Variants in DNAJB6 observed in about 807,000 individuals in gnomAD.
DNAJB6 encodes DnaJ heat shock protein family (Hsp40) member B6, also known as dnaJ homolog subfamily B member 6.
Under a neutral mutation model 42.7 loss-of-function variants are expected in DNAJB6, and 16 were observed. That is an observed-to-expected ratio of 0.37 (90% CI 0.25 to 0.57). The LOEUF (loss-of-function observed/expected upper bound fraction) is 0.57. Among genes scored for constraint, DNAJB6 ranks in the 20% least tolerant of loss-of-function variants. DNAJB6 has a pLI of 0.74. For missense variants in DNAJB6, 347 were observed against 416.8 expected, an observed-to-expected ratio of 0.83 and a Z score of 1.46; for synonymous variants, 170 against 163.5, an observed-to-expected ratio of 1.04 and a Z score of -0.30.
chr7:157,337,911 T>C (rs1422345009), intron 1 of DNAJB6: 1 of 115,954 alleles, frequency 8.6e-6, no homozygotes, highest in African/African-American at 4.0e-5. Context: ...TAGTCAGACG[T>C]AAACTTCTGT....
chr7:157,368,464 G>A (rs895273492), intron 5 of DNAJB6: 4 of 152,312 alleles, frequency 2.6e-5, no homozygotes, highest in East Asian at 1.9e-4. Flanking sequence ...CACCTCTAGA[G>A]CAAGACTGCG....
chr7:157,377,228 A>G (rs1343701577), intron 5 of DNAJB6, among the ~76,000 whole-genome samples: 1 of 152,176 alleles, frequency 6.6e-6, no homozygotes, highest in Non-Finnish European at 1.5e-5. Context: ...CTGTTCACAG[A>G]TGCACATTTC....
At chr7:157,380,549 A>T (rs999924731) in intron 5 of DNAJB6, 3 of 152,224 alleles carry the variant, frequency 2.0e-5, no homozygotes, top group Non-Finnish European at 4.4e-5. Flanking sequence ...TAACCGTTTG[A>T]GTAACTTCTT....
rs80135319 is a variant in DNAJB6 at position 157,390,829 on chromosome 7, A to G, written c.691+5218A>G. 3.6e-3 allele frequency among the ~76,000 whole-genome samples: 549 copies of G among 152,022 alleles called. 2 individuals carry two copies. Among genetic ancestry groups the G allele is most frequent in the African/African-American group, 0.012 (513 of 41,468 alleles). On this transcript the variant is annotated intron_variant, in intron 8 of 9. Transcript: ENST00000262177. Reference sequence around the variant, plus strand: ...AGCATGCATTCATTCATTCCTTTATATTATTTTATATTTTACTTAACTTTT... The same window carrying G: ...AGCATGCATTCATTCATTCCTTTATGTTATTTTATATTTTACTTAACTTTT...
At chr7:157,341,021 CTG>C in intron 1 of DNAJB6, among the ~76,000 whole-genome samples, 1 of 141,784 alleles carries the variant, frequency 7.1e-6, no homozygotes, top group East Asian at 2.2e-4. Flanking sequence ...TGGAATCACC[CTG>C]TGTGCCCAGG....
chr7:157,367,381 C>A lies in DNAJB6; in HGVS notation c.244C>A (p.His82Asn). 2 of 1,607,332 alleles carry A rather than the reference C, an allele frequency of 1.2e-6. No individual in the cohort carries two copies. The highest frequency in any genetic ancestry group is 1.7e-6 in the Non-Finnish European group (2 of 1,173,848). The change falls in exon 5 of 10, where the codon CAT becomes AAT. Residue 82 changes from histidine to asparagine, a missense_variant. Around this residue, in one of 3 missense-constraint regions of DNAJB6, gnomAD observed 78 missense variants for 102.1 expected, o/e 0.76. Transcript: ENST00000262177. Reference sequence around the variant, plus strand: ...GTGTTGTATTTGTGCAGGTGGAAGTCATTTTGACAGTCCATTTGAATTTGG... The same window carrying A: ...GTGTTGTATTTGTGCAGGTGGAAGTAATTTTGACAGTCCATTTGAATTTGG... ...GLNGGGGGGSHFDSPFEFGFT... is the reference protein window; with the variant it reads ...GLNGGGGGGSNFDSPFEFGFT...
chr7:157,367,517 TCCATGA>T (rs780647170), intron 5 of DNAJB6, 34 bp downstream of exon 5: 1 of 1,282,628 alleles, frequency 7.8e-7, no homozygotes, highest in South Asian at 1.2e-5. Flanking sequence ...TTGGTGTGTG[TCCATGA>T]CCCAAATGAG....
At chr7:157,398,615 G>C (rs1349959700) in intron 8 of DNAJB6, among the ~76,000 whole-genome samples, 1 of 152,146 alleles carries the variant, frequency 6.6e-6, no homozygotes, top group African/African-American at 2.4e-5. Flanking sequence ...TGTGTTTTTG[G>C]CTTGAGGGGG....
intron 8 of DNAJB6, among the ~76,000 whole-genome samples, chr7:157,406,313 ATCT>A (rs1337180532): frequency 1.3e-5 from 2 of 152,190 alleles, no homozygotes; most frequent in African/African-American, 2.4e-5. Flanking sequence ...CTCCACCTTC[ATCT>A]TCTTTCCTCA....
At chr7:157,386,588 G>A (rs1209870524) in intron 8 of DNAJB6, among the ~76,000 whole-genome samples, 1 of 149,368 alleles carries the variant, frequency 6.7e-6, no homozygotes, top group Non-Finnish European at 1.5e-5. Flanking sequence ...TTTGATGTAA[G>A]ATCACTTACG....
At chr7:157,408,841 C>T (rs1386002101) in intron 8 of DNAJB6, among the ~76,000 whole-genome samples, 2 of 152,262 alleles carry the variant, frequency 1.3e-5, no homozygotes, top group African/African-American at 2.4e-5. Context: ...CCGCCCCTGG[C>T]GTAAACTCTC....
intron 5 of DNAJB6, chr7:157,378,405 G>T (rs1800579328): frequency 6.6e-6 from 1 of 152,234 alleles, no homozygotes; most frequent in Admixed American, 6.5e-5. Context: ...GGAGGAGGAG[G>T]TCTTGCCCCT....
chr7:157,397,805 A>G (rs930930647), intron 8 of DNAJB6, among the ~76,000 whole-genome samples: 6 of 152,100 alleles, frequency 3.9e-5, no homozygotes, highest in Admixed American at 3.3e-4. Context: ...TTCAGCTTCT[A>G]TGTCACGAGC....
At chr7:157,375,916 T>G (rs1467246154) in intron 5 of DNAJB6, among the ~76,000 whole-genome samples, 2 of 152,220 alleles carry the variant, frequency 1.3e-5, no homozygotes, top group East Asian at 3.8e-4. Flanking sequence ...GCCATGGTGC[T>G]TTTTCAGTTT....
At chr7:157,384,203 C>T (rs975071306) in intron 6 of DNAJB6, among the ~76,000 whole-genome samples, 1 of 152,292 alleles carries the variant, frequency 6.6e-6, no homozygotes, top group Admixed American at 6.5e-5. Flanking sequence ...CGATAATATC[C>T]ATAATGTATA....
chr7:157,410,113 G>A (rs1795921837), intron 9 of DNAJB6, 112 bp downstream of exon 9: 2 of 1,419,416 alleles, frequency 1.4e-6, no homozygotes, highest in Admixed American at 2.9e-5. Context: ...ACCTGAGCGG[G>A]CGTGGGCGGT....
intron 1 of DNAJB6, among the ~76,000 whole-genome samples, chr7:157,353,378 TGTAACTGTG>T (rs955626316): frequency 3.3e-5 from 5 of 152,206 alleles, no homozygotes; most frequent in South Asian, 2.1e-4. Context: ...TTAATCTTTC[TGTAACTGTG>T]GTAACTGTGG....
intron 8 of DNAJB6, among the ~76,000 whole-genome samples, chr7:157,408,944 TAG>T (rs1795869384): frequency 6.6e-6 from 1 of 152,232 alleles, no homozygotes; most frequent in Admixed American, 6.5e-5. Flanking sequence ...AGGCACATTT[TAG>T]AGTTTGCGGA....
At chr7:157,349,840 G>A (rs780382560) in intron 1 of DNAJB6, among the ~76,000 whole-genome samples, 11 of 151,932 alleles carry the variant, frequency 7.2e-5, no homozygotes, top group African/African-American at 1.2e-4. Flanking sequence ...AGACGGTTTC[G>A]TCATGTCAGC....
Sources: gnomAD v4.1 joint callset for allele counts (sites outside exome capture counted in the v4.1 genomes callset) on GRCh38, gnomAD v4.1.1 for gene constraint, gnomAD v4.1.1 regional missense constraint, MANE v1.5 for transcripts, NCBI Gene and HGNC (gene_info 2026-07-23, HGNC 2026-07-21) for gene names.